Variants in ELOVL7 observed in about 807,000 individuals in gnomAD.
ELOVL7 encodes very long chain fatty acid elongase 7.
Under a neutral mutation model 35.7 loss-of-function variants are expected in ELOVL7, and 27 were observed. That is an observed-to-expected ratio of 0.76 (90% CI 0.56 to 1.04). ELOVL7 has a LOEUF of 1.04. ELOVL7 is among the 50% of genes least tolerant of loss of function. ELOVL7 has a pLI of 0.00. For synonymous variants in ELOVL7, 113 were observed against 114.6 expected, an observed-to-expected ratio of 0.99 and a Z score of 0.09; for missense variants, 327 against 340.8, an observed-to-expected ratio of 0.96 and a Z score of 0.32.
Position 60,754,553 on chromosome 5 carries a change from G to T in ELOVL7, c.*71C>A. 2.2e-6 allele frequency: 3 copies of T among 1,360,954 alleles called. No individual in the cohort carries two copies. Among genetic ancestry groups the T allele is most frequent in the Non-Finnish European group, 3.1e-6 (3 of 959,264 alleles). The allele number at this position is 1,360,954 out of a possible 1,614,324, so 84.3% of individuals were successfully genotyped here. On this transcript the variant is annotated 3_prime_UTR_variant, in exon 9 of 9. Transcript: ENST00000508821. ...TTTTGAAAAATATACAAAATGCACTGCATAGGTAAATATCTCTTGATTGTC... is the reference window on the plus strand; with the variant it reads ...TTTTGAAAAATATACAAAATGCACTTCATAGGTAAATATCTCTTGATTGTC...
At chr5:60,810,649 C>G (rs970466669) in intron 1 of ELOVL7, among the ~76,000 whole-genome samples, 1 of 152,210 alleles carries the variant, frequency 6.6e-6, no homozygotes, top group Non-Finnish European at 1.5e-5. Context: ...GGGCTGGCAT[C>G]TGATCTGATT....
At chr5:60,794,317 G>C (rs1744115951) in intron 2 of ELOVL7, among the ~76,000 whole-genome samples, 1 of 152,226 alleles carries the variant, frequency 6.6e-6, no homozygotes. Context: ...AACCTACCTG[G>C]AGACTATTCA....
At chr5:60,816,875 A>C (rs1579908068) in intron 1 of ELOVL7, among the ~76,000 whole-genome samples, 1 of 152,360 alleles carries the variant, frequency 6.6e-6, no homozygotes, top group East Asian at 1.9e-4. Flanking sequence ...CAAAATTCAA[A>C]TGTAAAAATG....
chr5:60,809,215 T>C (rs191855445), intron 1 of ELOVL7, among the ~76,000 whole-genome samples: 2 of 152,292 alleles, frequency 1.3e-5, no homozygotes, highest in Admixed American at 1.3e-4. Flanking sequence ...TATTGGTATG[T>C]CGAAGAATCT....
chr5:60,770,991 C>T (rs907372774), intron 4 of ELOVL7, among the ~76,000 whole-genome samples: 6 of 152,310 alleles, frequency 3.9e-5, no homozygotes, highest in Middle Eastern at 3.4e-3. Context: ...TAGGCCACCA[C>T]ACCTGGCCAG....
At chr5:60,756,909 A>G (rs1237721587) in intron 8 of ELOVL7, among the ~76,000 whole-genome samples, 2 of 152,170 alleles carry the variant, frequency 1.3e-5, no homozygotes, top group Non-Finnish European at 2.9e-5. Context: ...AAAAAATTAA[A>G]TATCATATAT....
chr5:60,799,222 T>A lies in ELOVL7; in HGVS notation c.-77A>T, dbSNP rs1374180612. On this transcript the variant is annotated 5_prime_UTR_variant, in exon 2 of 9. Coordinates refer to ENST00000508821, the MANE Select transcript of ELOVL7 (RefSeq NM_024930.3). ...CACAAAAGCAGTTCTAAGAGGGAAG[T>A]TTAAATGCCTATAATAGAAAAGAAA... 6.6e-6 allele frequency: 1 copy of A among 151,774 alleles called. No homozygotes were observed. Among genetic ancestry groups the A allele is most frequent in the Non-Finnish European group, 1.5e-5 (1 of 67,920 alleles). 9.4% of individuals were successfully genotyped at this position (151,774 alleles called of 1,614,324 possible).
At chr5:60,797,165 CA>C (rs1007410557) in intron 2 of ELOVL7, among the ~76,000 whole-genome samples, 2 of 152,154 alleles carry the variant, frequency 1.3e-5, no homozygotes, top group Non-Finnish European at 2.9e-5. Context: ...GACAAATTTT[CA>C]AATTTGCTAA....
chr5:60,769,955 G>A (rs1161781275), intron 4 of ELOVL7, among the ~76,000 whole-genome samples: 1 of 152,018 alleles, frequency 6.6e-6, no homozygotes, highest in African/African-American at 2.4e-5. Context: ...GGAGGCTGAG[G>A]TGGGAGGATC....
chr5:60,821,366 C>T (rs1745876956), intron 1 of ELOVL7, among the ~76,000 whole-genome samples: 2 of 152,172 alleles, frequency 1.3e-5, no homozygotes, highest in Admixed American at 6.5e-5. Flanking sequence ...ATGATCTCAA[C>T]CCCACGTGAC....
At chr5:60,824,941 C>CCTTT (rs1312805968) in intron 1 of ELOVL7, among the ~76,000 whole-genome samples, 1 of 151,216 alleles carries the variant, frequency 6.6e-6, no homozygotes, top group East Asian at 1.9e-4. Context: ...TGACCTCTGA[C>CCTTT]CTTTCCTTCT....
chr5:60,751,940 G>A lies in ELOVL7; in HGVS notation c.*2684C>T, dbSNP rs1741304932. 6.6e-6 allele frequency: 1 copy of A among 152,112 alleles called. No individual in the cohort carries two copies. The highest frequency in any genetic ancestry group is 6.5e-5 in the Admixed American group (1 of 15,272). The allele number at this position is 152,112 out of a possible 1,614,324, so 9.4% of individuals were successfully genotyped here. ...ATCTCGTAATTTTATACTTAAGGCTGTAAATGGCAAAGTCCCATAGATATT... is the reference window on the plus strand; with the variant it reads ...ATCTCGTAATTTTATACTTAAGGCTATAAATGGCAAAGTCCCATAGATATT... On this transcript the variant is annotated 3_prime_UTR_variant, in exon 9 of 9. Coordinates refer to ENST00000508821, the MANE Select transcript of ELOVL7 (RefSeq NM_024930.3).
rs552988599 is a variant in ELOVL7, at chr5:60,791,812, C to T, written c.-34-4381G>A. Among the ~76,000 whole-genome samples the T allele has an allele frequency of 2.6e-5, 4 of 152,292 alleles. No individual in the cohort carries two copies. The East Asian group carries it at 7.7e-4, about 29-fold the overall frequency. On this transcript the variant is annotated intron_variant, in intron 2 of 8. Transcript: ENST00000508821. ...TCAAAATTAAACTACTGAAATAAGG[C>T]TCGTTAAGTTATTCAGAATCAGAGT... is the stretch of plus-strand genomic sequence containing the variant.
chr5:60,817,776 CACCATATATAT>C (rs1371173631), intron 1 of ELOVL7, among the ~76,000 whole-genome samples: 2 of 145,774 alleles, frequency 1.4e-5, no homozygotes, highest in African/African-American at 5.1e-5. Context: ...TAAACACACA[CACCATATATAT>C]ACCATATATA....
At chr5:60,791,687 T>C (rs1167291028) in intron 2 of ELOVL7, among the ~76,000 whole-genome samples, 1 of 152,322 alleles carries the variant, frequency 6.6e-6, no homozygotes, top group African/African-American at 2.4e-5. Context: ...CTTCCCTTTA[T>C]GTCTTCCAAT....
At chr5:60,772,717 T>A (rs1742672757) in intron 3 of ELOVL7, among the ~76,000 whole-genome samples, 1 of 152,092 alleles carries the variant, frequency 6.6e-6, no homozygotes, top group Non-Finnish European at 1.5e-5. Flanking sequence ...AAGGATACAG[T>A]CTTCATGGAT....
chr5:60,757,165 A>C (rs1469787844), intron 8 of ELOVL7, among the ~76,000 whole-genome samples: 1 of 152,088 alleles, frequency 6.6e-6, no homozygotes, highest in African/African-American at 2.4e-5. Flanking sequence ...CATTCCCTCA[A>C]GGTCATTTAG....
At chr5:60,792,397 G>A (rs1244341298) in intron 2 of ELOVL7, among the ~76,000 whole-genome samples, 1 of 152,214 alleles carries the variant, frequency 6.6e-6, no homozygotes, top group Admixed American at 6.5e-5. Context: ...TATGAGCTGA[G>A]AGTGATGGAC....
intron 1 of ELOVL7, among the ~76,000 whole-genome samples, chr5:60,803,035 T>A (rs1021055485): frequency 2.0e-5 from 3 of 152,212 alleles, no homozygotes; most frequent in Admixed American, 1.3e-4. Flanking sequence ...GAAAGGGAAC[T>A]TCTTTGTGTC....
Sources: gnomAD v4.1 joint callset for allele counts (sites outside exome capture counted in the v4.1 genomes callset) on GRCh38, gnomAD v4.1.1 for gene constraint, MANE v1.5 for transcripts, NCBI Gene and HGNC (gene_info 2026-07-23, HGNC 2026-07-21) for gene names.